Variants in SETD2 observed in about 807,000 individuals in gnomAD.
SETD2 encodes SET domain containing 2, histone lysine methyltransferase, also known as histone-lysine N-methyltransferase SETD2.
A neutral mutation model predicts 242.1 loss-of-function variants in SETD2; 31 were observed. That is an observed-to-expected ratio of 0.13 (90% CI 0.10 to 0.17). SETD2 has a LOEUF of 0.17. Among genes scored for constraint, SETD2 ranks in the 10% least tolerant of loss-of-function variants. The pLI, the probability that SETD2 is intolerant of heterozygous loss-of-function variation, is 1.00. For missense variants in SETD2, 2,481 were observed against 3,046.3 expected (o/e 0.81, Z 4.37); for synonymous variants, 1,006 against 1,066.5 (o/e 0.94, Z 1.11).
intron 6 of SETD2, 50 bp downstream of exon 6, chr3:47,105,947 C>T (rs2107695422): frequency 6.4e-7 from 1 of 1,552,754 alleles, no homozygotes; most frequent in Non-Finnish European, 8.8e-7. Flanking sequence ...TCAATGGCTC[C>T]TTCAAACCTA....
intron 15 of SETD2, among the ~76,000 whole-genome samples, chr3:47,055,085 C>T (rs2107570015): frequency 6.6e-6 from 1 of 152,166 alleles, no homozygotes; most frequent in East Asian, 1.9e-4. Flanking sequence ...GGATAAAAAA[C>T]TTCAAGTCAA....
At chr3:47,022,933 A>C (rs1335265091) in intron 18 of SETD2, among the ~76,000 whole-genome samples, 1 of 152,208 alleles carries the variant, frequency 6.6e-6, no homozygotes, top group Non-Finnish European at 1.5e-5. Flanking sequence ...AACCATACAC[A>C]GGCTGTGTAA....
chr3:47,059,108 CTT>C (rs111615859), intron 14 of SETD2, among the ~76,000 whole-genome samples: 8,940 of 104,694 alleles, frequency 0.085, 1,132 homozygotes, highest in African/African-American at 0.32. Context: ...CACGCCTGGC[CTT>C]TTTTTTTTTT....
At chr3:47,135,437 A>C (rs1029320482) in intron 1 of SETD2, among the ~76,000 whole-genome samples, 2 of 152,022 alleles carry the variant, frequency 1.3e-5, no homozygotes, top group African/African-American at 2.4e-5. Flanking sequence ...ACTTACGTCC[A>C]GCTAATTTTT....
chr3:47,113,719 G>C (rs1435117281), intron 5 of SETD2, among the ~76,000 whole-genome samples, 157 bp downstream of exon 5: 1 of 152,114 alleles, frequency 6.6e-6, no homozygotes, highest in Non-Finnish European at 1.5e-5. Context: ...TGAGCCTGTA[G>C]TTCCAGCTAC....
intron 12 of SETD2, among the ~76,000 whole-genome samples, chr3:47,068,889 C>T (rs1325107617): frequency 6.6e-6 from 1 of 152,098 alleles, no homozygotes; most frequent in Non-Finnish European, 1.5e-5. Flanking sequence ...ACCTCCACCT[C>T]CCAGGTTCAA....
chr3:47,030,777 G>GT (rs1426652950), intron 18 of SETD2, among the ~76,000 whole-genome samples: 1 of 152,186 alleles, frequency 6.6e-6, no homozygotes, highest in Non-Finnish European at 1.5e-5. Context: ...TCCAGTGAGA[G>GT]TATCTGTCAT....
At chr3:47,021,282 G>C (rs570037127) in intron 18 of SETD2, among the ~76,000 whole-genome samples, 2 of 152,232 alleles carry the variant, frequency 1.3e-5, no homozygotes, top group African/African-American at 4.8e-5. Context: ...ACAGAAATGA[G>C]TACAGAAAGC....
chr3:47,140,284 T>C (rs975269433), intron 1 of SETD2, among the ~76,000 whole-genome samples: 1 of 152,212 alleles, frequency 6.6e-6, no homozygotes, highest in South Asian at 2.1e-4. Flanking sequence ...CTAAAGTGAA[T>C]GATATTCACC....
intron 1 of SETD2, among the ~76,000 whole-genome samples, chr3:47,136,884 G>A (rs1022730408): frequency 6.6e-5 from 10 of 152,148 alleles, no homozygotes; most frequent in Non-Finnish European, 1.2e-4. Context: ...AACCCGGGAG[G>A]CAGAGGTTGC....
In SETD2 at chr3:47,083,771, C is replaced by T. The variant is rs148671940; in HGVS notation, c.6009G>A (p.Val2003=). The T allele has an allele frequency of 6.9e-5, 112 of 1,613,978 alleles. No homozygotes were observed. In the African/African-American group the frequency reaches 1.4e-3, roughly 20 times the overall value. Reference sequence around the variant, plus strand: ...GTTTGGTGGCCAAATCACTTATATCCACTGTTTTATCTGGCTGTTCTTGGC... The same window carrying T: ...GTTTGGTGGCCAAATCACTTATATCTACTGTTTTATCTGGCTGTTCTTGGC... ...ERSQEQPDKT[V]DISDLATKLL... The change falls in exon 12 of 21, where the codon GTG becomes GTA. Residue 2003 remains valine, a synonymous_variant. Coordinates refer to ENST00000409792, the MANE Select transcript of SETD2 (RefSeq NM_014159.7).
chr3:47,034,464 T>C (rs1294988433), intron 18 of SETD2, among the ~76,000 whole-genome samples: 1 of 152,228 alleles, frequency 6.6e-6, no homozygotes. Context: ...TATTTTCTTT[T>C]GCAGGCCTCT....
rs778906590 is a variant in SETD2 at position 47,121,438 on chromosome 3, G to A, written c.3198C>T (p.Leu1066=). The A allele has an allele frequency of 6.2e-7, 1 of 1,612,246 alleles. No homozygotes were observed. Among genetic ancestry groups the A allele is most frequent in the Non-Finnish European group, 8.5e-7 (1 of 1,179,992 alleles). Reference sequence around the variant, plus strand: ...TCTTTGGCACAACCACAACAGACTGGAGACGGTTTCTTGGAATACTGCTAT... The same window carrying A: ...TCTTTGGCACAACCACAACAGACTGAAGACGGTTTCTTGGAATACTGCTAT... The part of the protein sequence containing the change: ...SDDSSIPRNR[L]QSVVVVPKNS... Residue 1066 remains leucine (L), a synonymous_variant, in exon 3 of 21, where the codon CTC becomes CTT. Coordinates refer to ENST00000409792, the MANE Select transcript of SETD2 (RefSeq NM_014159.7).
intron 1 of SETD2, among the ~76,000 whole-genome samples, chr3:47,131,958 A>G (rs1465323510): frequency 2.0e-5 from 3 of 150,988 alleles, no homozygotes; most frequent in African/African-American, 7.3e-5. Flanking sequence ...TTGTATTTTT[A>G]GTAGAGACAG....
intron 1 of SETD2, chr3:47,145,485 C>T (rs775052053): frequency 4.6e-6 from 2 of 433,804 alleles, no homozygotes; most frequent in South Asian, 3.3e-5. Context: ...GCCTTGAACT[C>T]CTGGACTCAA....
intron 13 of SETD2, among the ~76,000 whole-genome samples, chr3:47,063,970 T>C (rs898814621): frequency 7.5e-6 from 1 of 133,300 alleles, no homozygotes; most frequent in African/African-American, 3.0e-5. Flanking sequence ...GCGACAGAGC[T>C]AGACTCCATC....
At chr3:47,162,461 T>C (rs902803254) in intron 1 of SETD2, among the ~76,000 whole-genome samples, 1 of 152,162 alleles carries the variant, frequency 6.6e-6, no homozygotes, top group African/African-American at 2.4e-5. Flanking sequence ...GAAAAAGCCA[T>C]GTTAACTTAC....
intron 3 of SETD2, 116 bp downstream of exon 3, chr3:47,120,066 C>T: frequency 1.1e-6 from 1 of 874,298 alleles, no homozygotes; most frequent in Non-Finnish European, 1.7e-6. Context: ...TTTAAATTTA[C>T]TTTATCCCAC....
At chr3:47,025,071 T>C (rs1424934921) in intron 18 of SETD2, among the ~76,000 whole-genome samples, 1 of 152,178 alleles carries the variant, frequency 6.6e-6, no homozygotes, top group Non-Finnish European at 1.5e-5. Flanking sequence ...CAGCTCTGTC[T>C]CCAACAAGCA....
Sources: gnomAD v4.1 joint callset for allele counts (sites outside exome capture counted in the v4.1 genomes callset) on GRCh38, gnomAD v4.1.1 for gene constraint, MANE v1.5 for transcripts, NCBI Gene and HGNC (gene_info 2026-07-23, HGNC 2026-07-21) for gene names.